The following TBC1D22A variants were observed in gnomAD, a reference collection of about 807,000 sequenced individuals.
The protein encoded by TBC1D22A is putative GTPase activator.
TBC1D22A carries 38 observed loss-of-function variants against 60.2 expected under a neutral mutation model. That is an observed-to-expected ratio of 0.63 (90% confidence interval 0.49 to 0.83). The LOEUF (loss-of-function observed/expected upper bound fraction) is 0.83, where lower values mean the gene tolerates loss of function less well. TBC1D22A is among the 40% of genes least tolerant of loss of function. The pLI, the probability that TBC1D22A is intolerant of heterozygous loss-of-function variation, is 0.00. For synonymous variants in TBC1D22A, 302 were observed against 281.7 expected (o/e 1.07, Z -0.72); for missense variants, 628 against 701.0 (o/e 0.90, Z 1.18).
chr22:47,006,484 C>T (rs377240496), intron 10 of TBC1D22A, among the ~76,000 whole-genome samples: 57 of 152,188 alleles, frequency 3.7e-4, no homozygotes, highest in Non-Finnish European at 7.3e-4. Context: ...TGGATCTTGG[C>T]GGTGACCCCG....
chr22:46,842,543 T>G (rs2086815741), intron 4 of TBC1D22A, among the ~76,000 whole-genome samples: 1 of 152,220 alleles, frequency 6.6e-6, no homozygotes, highest in Non-Finnish European at 1.5e-5. Context: ...CGTAAACACT[T>G]GAGTATGCAT....
chr22:47,051,346 G>A (rs1248327687), intron 11 of TBC1D22A, among the ~76,000 whole-genome samples: 2 of 152,174 alleles, frequency 1.3e-5, no homozygotes, highest in African/African-American at 4.8e-5. Context: ...TTAAATATTT[G>A]TAAGATTTTT....
intron 6 of TBC1D22A, among the ~76,000 whole-genome samples, chr22:46,893,600 ATG>A (rs1221849401): frequency 6.6e-6 from 1 of 152,168 alleles, no homozygotes; most frequent in Non-Finnish European, 1.5e-5. Context: ...CTGGGGACAG[ATG>A]TGTGTCCACA....
intron 5 of TBC1D22A, among the ~76,000 whole-genome samples, chr22:46,891,031 G>A (rs1188817590): frequency 6.6e-6 from 1 of 152,132 alleles, no homozygotes; most frequent in African/African-American, 2.4e-5. Context: ...GGGAGGCTGC[G>A]GACGCAAGCC....
rs573315811 is a variant in TBC1D22A at position 46,790,696 on chromosome 22, C to A, written c.63-1824C>A. 1.6e-4 allele frequency among the ~76,000 whole-genome samples: 25 copies of A among 152,262 alleles called. No individual in the cohort carries two copies. The South Asian group carries it at 5.2e-3, about 32-fold the overall frequency. On this transcript the variant is annotated intron_variant, in intron 1 of 12. Coordinates refer to ENST00000337137, the MANE Select transcript of TBC1D22A (RefSeq NM_014346.5). ...TACTAATGAATGAAGAGGCACATAGCCGACACGGAGACCACTGTTCTCTTG... is the reference window on the plus strand; with the variant it reads ...TACTAATGAATGAAGAGGCACATAGACGACACGGAGACCACTGTTCTCTTG...
chr22:46,872,233 A>G (rs2067323392), intron 4 of TBC1D22A, among the ~76,000 whole-genome samples: 1 of 152,230 alleles, frequency 6.6e-6, no homozygotes, highest in Non-Finnish European at 1.5e-5. Context: ...AAGTCTATCA[A>G]ACATTTAAAG....
chr22:46,986,859 T>G (rs897862800), intron 9 of TBC1D22A, among the ~76,000 whole-genome samples: 1 of 152,164 alleles, frequency 6.6e-6, no homozygotes, highest in African/African-American at 2.4e-5. Flanking sequence ...TGTCAGGGCA[T>G]GGTGTGGACG....
At chr22:47,173,466 C>G (rs111824107) in intron 12 of TBC1D22A, 32 bp from the exon 13 acceptor site, 1,692 of 1,611,838 alleles carry the variant, frequency 1.0e-3, no homozygotes, top group Admixed American at 1.5e-3. Context: ...TGGGTCACCT[C>G]CTCTGACCTG....
In TBC1D22A at chr22:46,800,281, G is replaced by A. The variant is rs73477357; in HGVS notation, c.637+2661G>A. On this transcript the variant is annotated intron_variant, in intron 4 of 12. Transcript: ENST00000337137. The stretch of plus-strand genomic sequence containing the variant: ...GAGCATCCCTAGCCATGGGTGAGGC[G>A]AGAAGGCAGTGTGGGGGATGGGTCT... 3.9e-5 allele frequency among the ~76,000 whole-genome samples: 6 copies of A among 152,124 alleles called. No individual in the cohort carries two copies. The South Asian group carries it at 8.3e-4, about 21-fold the overall frequency.
chr22:46,901,924 A>T (rs980087714), intron 7 of TBC1D22A, among the ~76,000 whole-genome samples: 2 of 131,760 alleles, frequency 1.5e-5, no homozygotes, highest in African/African-American at 5.9e-5. Flanking sequence ...ATGATGTTTT[A>T]AAATTTCTCA....
chr22:46,997,681 G>C lies in TBC1D22A; in HGVS notation c.1173G>C (p.Met391Ile), dbSNP rs2075165738. ...AQPGIQMKVKMLEELVSRIDE... is the reference protein window; with the variant it reads ...AQPGIQMKVKILEELVSRIDE... ...CTGGGATTCAAATGAAAGTGAAAAT[G>C]TTAGAAGAACTCGTGAGCCGGATTG... The change falls in exon 10 of 13, where the codon ATG becomes ATC. Residue 391 changes from methionine (M) to isoleucine (I), a missense_variant. Physicochemically the swap from Met to Ile is conservative, Grantham distance 10. Transcript: ENST00000337137. The C allele has an allele frequency of 6.2e-7, 1 of 1,613,960 alleles. No individual in the cohort carries two copies. Among genetic ancestry groups the C allele is most frequent in the African/African-American group, 1.3e-5 (1 of 74,936 alleles).
At chr22:47,129,598 C>T (rs909241012) in intron 12 of TBC1D22A, among the ~76,000 whole-genome samples, 1 of 152,196 alleles carries the variant, frequency 6.6e-6, no homozygotes, top group Non-Finnish European at 1.5e-5. Flanking sequence ...TAGCCATTTT[C>T]CTGTCACCTT....
At chr22:46,961,686 C>A (rs985175685) in intron 8 of TBC1D22A, among the ~76,000 whole-genome samples, 5 of 152,100 alleles carry the variant, frequency 3.3e-5, no homozygotes, top group Admixed American at 2.0e-4. Context: ...GGATTTGAAC[C>A]CAGACTTTCC....
chr22:46,916,968 T>G (rs542583228), intron 8 of TBC1D22A, among the ~76,000 whole-genome samples: 8 of 152,320 alleles, frequency 5.3e-5, no homozygotes, highest in African/African-American at 1.9e-4. Flanking sequence ...GGGAAGAAAC[T>G]AGAGGCACAT....
intron 8 of TBC1D22A, among the ~76,000 whole-genome samples, chr22:46,964,282 A>C (rs1245367898): frequency 1.3e-5 from 2 of 152,066 alleles, no homozygotes; most frequent in African/African-American, 2.4e-5. Flanking sequence ...GAAGAAGTTT[A>C]TTTGTGGGGC....
chr22:46,949,840 G>A (rs931364954), intron 8 of TBC1D22A, among the ~76,000 whole-genome samples: 30 of 152,210 alleles, frequency 2.0e-4, no homozygotes, highest in Non-Finnish European at 8.8e-5. Flanking sequence ...AGCACCATGC[G>A]CAAGGGCAGG....
At chr22:46,980,985 A>G (rs2074491656) in intron 9 of TBC1D22A, among the ~76,000 whole-genome samples, 1 of 152,258 alleles carries the variant, frequency 6.6e-6, no homozygotes, top group African/African-American at 2.4e-5. Flanking sequence ...TGCTACTTAC[A>G]AGACACCGAA....
In TBC1D22A at chr22:46,909,417, G is replaced by A. The variant is rs894147860; in HGVS notation, c.901-2657G>A. 7.9e-5 allele frequency among the ~76,000 whole-genome samples: 12 copies of A among 152,142 alleles called. No homozygotes were observed. In the East Asian group the frequency reaches 1.4e-3, roughly 17 times the overall value. On this transcript the variant is annotated intron_variant, in intron 7 of 12. Coordinates refer to ENST00000337137, the MANE Select transcript of TBC1D22A (RefSeq NM_014346.5). ...TGTCCAGGGTGCGTGCTCCTGGGGC[G>A]CTGCACTGCTTGTTCCCTGGGCTGT...
At chr22:47,116,892 C>A in intron 12 of TBC1D22A, 1 of 152,560 alleles carries the variant, frequency 6.6e-6, no homozygotes, top group Non-Finnish European at 1.5e-5. Context: ...TTGAATGCCC[C>A]TGGAACCCTC....
Sources: gnomAD v4.1 joint callset for allele counts (sites outside exome capture counted in the v4.1 genomes callset) on GRCh38, gnomAD v4.1.1 for gene constraint, MANE v1.5 for transcripts, NCBI Gene and HGNC (gene_info 2026-07-23, HGNC 2026-07-21) for gene names.